HHIP: variants seen among roughly 807,000 people sequenced by gnomAD.
HHIP encodes the protein hedgehog-interacting protein.
Under a neutral mutation model 74.0 loss-of-function variants are expected in HHIP, and 12 were observed. That is an observed-to-expected ratio of 0.16 (90% CI 0.10 to 0.26). The LOEUF (loss-of-function observed/expected upper bound fraction) is 0.26, where lower values mean the gene tolerates loss of function less well. HHIP is among the 10% of genes least tolerant of loss of function. The probability of loss-of-function intolerance (pLI) is 1.00; values close to 1 mark genes in which losing one functional copy is unlikely to be tolerated. For missense variants in HHIP, 788 were observed against 845.0 expected, an observed-to-expected ratio of 0.93 and a Z score of 0.84; for synonymous variants, 309 against 311.6, an observed-to-expected ratio of 0.99 and a Z score of 0.09.
Position 144,743,590 on chromosome 4 carries a change from T to C in HHIP, c.*5633T>C, listed in dbSNP as rs560608231. ...TTTCTTGGGGTTTTCTTTTTGCATA[T>C]ATAGATTATGTATTACTTAAATCCA... On this transcript the variant is annotated 3_prime_UTR_variant, in exon 13 of 13. Transcript: ENST00000296575. 1 of 152,170 alleles carries C rather than the reference T, an allele frequency of 6.6e-6. No individual in the cohort carries two copies. Among genetic ancestry groups the C allele is most frequent in the African/African-American group, 2.4e-5 (1 of 41,556 alleles). 9.4% of individuals were successfully genotyped at this position (152,170 alleles called of 1,614,324 possible).
At chr4:144,674,320 G>T (rs145739892) in intron 4 of HHIP, among the ~76,000 whole-genome samples, 2 of 152,248 alleles carry the variant, frequency 1.3e-5, no homozygotes, top group East Asian at 3.9e-4. Flanking sequence ...ATGTGCGAAG[G>T]CCATCTCTGC....
chr4:144,686,254 G>T (rs975437637), intron 4 of HHIP, among the ~76,000 whole-genome samples: 2 of 152,094 alleles, frequency 1.3e-5, no homozygotes, highest in Non-Finnish European at 2.9e-5. Context: ...CCTCCCTAGA[G>T]GCTCTAAGAA....
At position 144,738,588 on chromosome 4, in the gene HHIP, A is replaced by G. The variant is rs1003421191; in HGVS notation, c.*631A>G. ...TCAAGATTGTTTTCAAGTGTTTTATAATTAAATCATAATAGCATATTTTAA... is the reference window on the plus strand; with the variant it reads ...TCAAGATTGTTTTCAAGTGTTTTATGATTAAATCATAATAGCATATTTTAA... On this transcript the variant is annotated 3_prime_UTR_variant, in exon 13 of 13. Coordinates refer to ENST00000296575, the MANE Select transcript of HHIP (RefSeq NM_022475.3). 8 of 770,812 alleles carry G rather than the reference A, an allele frequency of 1.0e-5. No homozygotes were observed. In the African/African-American group the frequency reaches 1.5e-4, roughly 15 times the overall value. 47.7% of individuals were successfully genotyped at this position (770,812 alleles called of 1,614,324 possible). A position where few individuals can be genotyped will look rare whatever the true frequency, so the allele number is the denominator to read the frequency against.
rs113654507 is a variant in HHIP at position 144,718,664 on chromosome 4, G to A, written c.1679-211G>A. On this transcript the variant is annotated intron_variant, in intron 10 of 12. Coordinates refer to ENST00000296575, the MANE Select transcript of HHIP (RefSeq NM_022475.3). ...AGAAATAATATCTGCTTGCACTGGA[G>A]TAGTAGTGGGATATGGAAAGGAGTG... Among the ~76,000 whole-genome samples the A allele has an allele frequency of 5.3e-3, 804 of 152,248 alleles. 10 individuals are homozygous for A. The highest frequency in any genetic ancestry group is 0.018 in the African/African-American group (765 of 41,550).
chr4:144,708,922 T>G (rs139974366), intron 7 of HHIP, among the ~76,000 whole-genome samples: 326 of 152,322 alleles, frequency 2.1e-3, no homozygotes, highest in Non-Finnish European at 3.6e-3. Flanking sequence ...GACTCCATAT[T>G]AACTGTTGGT....
intron 7 of HHIP, among the ~76,000 whole-genome samples, chr4:144,708,814 A>G (rs1213646011): frequency 6.6e-6 from 1 of 152,232 alleles, no homozygotes; most frequent in African/African-American, 2.4e-5. Context: ...TCTTGTTATC[A>G]TAGCTTCACT....
intron 4 of HHIP, among the ~76,000 whole-genome samples, chr4:144,701,595 T>A (rs1166335052): frequency 6.6e-6 from 1 of 152,166 alleles, no homozygotes. Flanking sequence ...TTATTGATTG[T>A]TTATCCCTAA....
chr4:144,723,272 G>A (rs1289097962), intron 11 of HHIP, among the ~76,000 whole-genome samples: 2 of 152,086 alleles, frequency 1.3e-5, no homozygotes, highest in Non-Finnish European at 2.9e-5. Flanking sequence ...GGCTCGAGAG[G>A]TCATTTTACA....
At chr4:144,707,066 T>C in intron 5 of HHIP, 21 bp from the exon 6 acceptor site, 1 of 1,608,216 alleles carries the variant, frequency 6.2e-7, no homozygotes, top group Non-Finnish European at 8.5e-7. Flanking sequence ...GTCATGGTAT[T>C]GTTTTCTTCC....
chr4:144,715,982 T>C (rs1730435749), intron 10 of HHIP, among the ~76,000 whole-genome samples: 1 of 152,182 alleles, frequency 6.6e-6, no homozygotes, highest in Admixed American at 6.5e-5. Flanking sequence ...GTATAACATA[T>C]AATATACTTC....
intron 4 of HHIP, among the ~76,000 whole-genome samples, chr4:144,667,708 A>G (rs1022555476): frequency 1.3e-5 from 2 of 152,214 alleles, no homozygotes; most frequent in Non-Finnish European, 2.9e-5. Flanking sequence ...TTTCAGCAGC[A>G]TTTCCTTGCT....
chr4:144,673,693 G>A (rs1451454263), intron 4 of HHIP, among the ~76,000 whole-genome samples: 1 of 152,304 alleles, frequency 6.6e-6, no homozygotes, highest in South Asian at 2.1e-4. Context: ...CCTCTAATAA[G>A]GGGATATGGA....
rs976547432 is a variant in HHIP at position 144,714,088 on chromosome 4, G to C, written c.1424-137G>C. ...TAGCAAAGACTGTTTTCATTAAATA[G>C]CTCTAGCAAGAAACCCTTTGGTGTA... is the stretch of plus-strand genomic sequence containing the variant. On this transcript the variant is annotated intron_variant, in intron 8 of 12. Coordinates refer to ENST00000296575, the MANE Select transcript of HHIP (RefSeq NM_022475.3). The C allele has an allele frequency of 5.8e-6, 4 of 689,792 alleles. No homozygotes were observed. In the South Asian group the frequency reaches 8.0e-5, roughly 14 times the overall value. The allele number at this position is 689,792 out of a possible 1,614,324, so 42.7% of individuals were successfully genotyped here.
intron 1 of HHIP, chr4:144,648,460 T>A (rs1234030916): frequency 6.6e-6 from 1 of 152,258 alleles, no homozygotes; most frequent in Non-Finnish European, 1.5e-5. Flanking sequence ...TCTTACCATA[T>A]GCAGCAGGAG....
At chr4:144,706,504 T>C (rs1335444837) in intron 4 of HHIP, 27 bp from the exon 5 acceptor site, 14 of 1,561,370 alleles carry the variant, frequency 9.0e-6, no homozygotes, top group African/African-American at 1.4e-5. Flanking sequence ...AACTTTACAA[T>C]TCTTTGTGTT....
Position 144,708,290 on chromosome 4 carries a change from A to G in HHIP, c.1280A>G (p.His427Arg). 1.2e-6 allele frequency: 2 copies of G among 1,614,128 alleles called. No individual in the cohort carries two copies. The highest frequency in any genetic ancestry group is 8.5e-7 in the Non-Finnish European group (1 of 1,180,014). Residue 427 changes from histidine (H) to arginine (R), a missense_variant, in exon 7 of 13, where the codon CAT becomes CGT. Around this residue, in one of 3 missense-constraint regions of HHIP, gnomAD observed 343 missense variants for 347.9 expected, o/e 0.99. Transcript: ENST00000296575. Reference protein sequence around the residue: ...STNQPPEVFAHGLHDPGRCAV... With the variant: ...STNQPPEVFARGLHDPGRCAV... ...AACCAGCCCCCCGAAGTGTTTGCTC[A>G]TGGGCTCCACGATCCAGGCAGGTGA...
At chr4:144,688,683 T>C (rs1729551899) in intron 4 of HHIP, among the ~76,000 whole-genome samples, 1 of 152,194 alleles carries the variant, frequency 6.6e-6, no homozygotes, top group African/African-American at 2.4e-5. Flanking sequence ...AAAGAAACTA[T>C]GTAAACTGGT....
chr4:144,740,184 T>C lies in HHIP; in HGVS notation c.*2227T>C, dbSNP rs1432825526. The C allele has an allele frequency of 6.6e-6, 1 of 152,194 alleles. No homozygotes were observed. The highest frequency in any genetic ancestry group is 1.5e-5 in the Non-Finnish European group (1 of 68,032). 9.4% of individuals were successfully genotyped at this position (152,194 alleles called of 1,614,324 possible). On this transcript the variant is annotated 3_prime_UTR_variant, in exon 13 of 13. Transcript: ENST00000296575. ...TGAAAACAATAAGGATACTGCTATA[T>C]ATTCAGTAAAATCTAAAAAAATCAA...
intron 8 of HHIP, among the ~76,000 whole-genome samples, chr4:144,712,280 G>C (rs111278457): frequency 0.014 from 2,200 of 152,208 alleles, 64 homozygotes; most frequent in African/African-American, 0.05. Context: ...TAATTACCAT[G>C]GATTGAAAGG....
Sources: gnomAD v4.1 joint callset for allele counts (sites outside exome capture counted in the v4.1 genomes callset) on GRCh38, gnomAD v4.1.1 for gene constraint, gnomAD v4.1.1 regional missense constraint, MANE v1.5 for transcripts, NCBI Gene and HGNC (gene_info 2026-07-23, HGNC 2026-07-21) for gene names.